Variants in KDM3B observed in about 807,000 individuals in gnomAD.
KDM3B encodes the protein lysine-specific demethylase 3B.
In KDM3B, 10 loss-of-function variants were observed where a neutral mutation model predicts 170.0. The ratio of observed to expected loss-of-function variants is 0.06; its 90% CI spans 0.04 to 0.10. The LOEUF is 0.10. Among genes scored for constraint, KDM3B ranks in the 10% least tolerant of loss-of-function variants. The pLI is 1.00. For missense variants in KDM3B, 1,394 were observed against 2,195.2 expected (o/e 0.64, Z 7.29); for synonymous variants, 831 against 834.8 (o/e 1.00, Z 0.08).
chr5:138,362,228 A>G (rs970060424), intron 1 of KDM3B, among the ~76,000 whole-genome samples: 13 of 152,070 alleles, frequency 8.5e-5, no homozygotes, highest in African/African-American at 2.9e-4. Flanking sequence ...GAGGCACAAG[A>G]ATGGCTTGAA....
At chr5:138,413,361 C>A (rs904934449) in intron 11 of KDM3B, among the ~76,000 whole-genome samples, 3 of 148,994 alleles carry the variant, frequency 2.0e-5, no homozygotes, top group Non-Finnish European at 3.0e-5. Flanking sequence ...CCAGCCTGGG[C>A]GACAAAGCGA....
intron 11 of KDM3B, among the ~76,000 whole-genome samples, chr5:138,402,017 C>T (rs1433550780): frequency 6.6e-6 from 1 of 151,992 alleles, no homozygotes; most frequent in African/African-American, 2.4e-5. Flanking sequence ...CAGCCTCAAC[C>T]GCCTGGGCCC....
At chr5:138,426,865 AAAAAAAAAAAAAAAAG>A (rs1763409454) in intron 17 of KDM3B, 94 bp from the exon 18 acceptor site, 1 of 353,328 alleles carries the variant, frequency 2.8e-6, no homozygotes, top group Middle Eastern at 9.3e-4. Context: ...TCTGTCTCAA[AAAAAAAAAAAAAAAAG>A]AAAAAAAAGA....
intron 11 of KDM3B, among the ~76,000 whole-genome samples, chr5:138,406,418 TG>T (rs1762822464): frequency 6.6e-6 from 1 of 151,080 alleles, no homozygotes; most frequent in Non-Finnish European, 1.5e-5. Flanking sequence ...CTGAGGCAGG[TG>T]GATCACCTGA....
chr5:138,426,983 C>T lies in KDM3B; in HGVS notation c.4420C>T (p.Arg1474Trp), dbSNP rs1763415418. 1.9e-6 allele frequency: 3 copies of T among 1,613,546 alleles called. No homozygotes were observed. The highest frequency in any genetic ancestry group is 1.3e-5 in the African/African-American group (1 of 74,876). The change falls in exon 18 of 24, where the codon CGG becomes TGG. Residue 1474 changes from arginine (R) to tryptophan (W), a missense_variant. Coordinates refer to ENST00000314358, the MANE Select transcript of KDM3B (RefSeq NM_016604.4). Reference protein sequence around the residue: ...DGFEIICKRLRSEDGQPMVLK... With the variant: ...DGFEIICKRLWSEDGQPMVLK... ...TATTCTCTGTCTTCCAGAACGACTA[C>T]GGTCAGAAGATGGGCAGCCAATGGT...
chr5:138,379,799 C>CT, intron 5 of KDM3B, 91 bp downstream of exon 5: 1 of 1,292,154 alleles, frequency 7.7e-7, no homozygotes, highest in Non-Finnish European at 1.1e-6. Flanking sequence ...TGTAAGATGA[C>CT]TTGGGTTTCA....
intron 12 of KDM3B, among the ~76,000 whole-genome samples, chr5:138,415,854 A>G (rs950137824): frequency 1.3e-5 from 2 of 152,006 alleles, no homozygotes; most frequent in African/African-American, 4.8e-5. Flanking sequence ...ATCATTTCCC[A>G]TTCCTGTGGT....
At chr5:138,387,021 A>G (rs1762280674) in intron 7 of KDM3B, among the ~76,000 whole-genome samples, 1 of 152,220 alleles carries the variant, frequency 6.6e-6, no homozygotes, top group African/African-American at 2.4e-5. Flanking sequence ...TATGTGTGCA[A>G]GCTACCATTA....
intron 14 of KDM3B, 112 bp downstream of exon 14, chr5:138,419,344 T>C: frequency 7.7e-7 from 1 of 1,291,968 alleles, no homozygotes; most frequent in East Asian, 2.5e-5. Flanking sequence ...CTACTTACTT[T>C]CTCTGGCTAA....
intron 11 of KDM3B, among the ~76,000 whole-genome samples, chr5:138,413,009 AAAATTGT>A (rs1261864686): frequency 2.0e-5 from 3 of 152,234 alleles, no homozygotes; most frequent in Non-Finnish European, 2.9e-5. Flanking sequence ...GTACATGGGA[AAAATTGT>A]AATTAATTTG....
At chr5:138,419,745 ACACACACACACAC>A (rs1763221833) in intron 14 of KDM3B, among the ~76,000 whole-genome samples, 2 of 147,886 alleles carry the variant, frequency 1.4e-5, no homozygotes, top group Non-Finnish European at 3.0e-5. Flanking sequence ...ACACACACAC[ACACACACACACAC>A]ACACACACAT....
At position 138,377,716 on chromosome 5, in the gene KDM3B, C is replaced by T. The variant is rs1224950005; in HGVS notation, c.475-4C>T. On this transcript the variant is annotated splice_region_variant and splice_polypyrimidine_tract_variant and intron_variant, in intron 3 of 23. Coordinates refer to ENST00000314358, the MANE Select transcript of KDM3B (RefSeq NM_016604.4). The stretch of plus-strand genomic sequence containing the variant: ...CAGTTGTTTTCTTCTTTTATCTTTA[C>T]CAGATGGGAACAGATAGCCAAAACC... 2 of 1,599,948 alleles carry T rather than the reference C, an allele frequency of 1.3e-6. No individual in the cohort carries two copies. The highest frequency in any genetic ancestry group is 4.5e-5 in the East Asian group (2 of 44,736).
Position 138,424,199 on chromosome 5 carries a change from TGAAGGA to T in KDM3B, c.4100_4105del (p.Lys1367_Glu1368del), listed in dbSNP as rs1348127213. The T allele has an allele frequency of 3.1e-6, 5 of 1,613,982 alleles. No individual in the cohort carries two copies. The highest frequency in any genetic ancestry group is 1.3e-5 in the African/African-American group (1 of 74,882). ...AACTTGACTGATACCCAGAAGGAAG[TGAAGGA>T]GATGGTGATGGGGTTAAATGTGCTA... On this transcript the variant is annotated inframe_deletion, in exon 16 of 24. Transcript: ENST00000314358.
At chr5:138,397,562 G>A (rs902521391) in intron 9 of KDM3B, among the ~76,000 whole-genome samples, 5 of 152,040 alleles carry the variant, frequency 3.3e-5, no homozygotes, top group African/African-American at 1.2e-4. Flanking sequence ...TTAGCCGGGA[G>A]TGGTGTGGTT....
chr5:138,379,443 A>T, intron 4 of KDM3B, 141 bp from the exon 5 acceptor site: 1 of 622,338 alleles, frequency 1.6e-6, no homozygotes, highest in Non-Finnish European at 2.6e-6. Context: ...GTAAATCTGG[A>T]ATTGCTCATT....
intron 1 of KDM3B, among the ~76,000 whole-genome samples, chr5:138,355,540 A>C (rs1312658979): frequency 1.3e-5 from 2 of 152,260 alleles, no homozygotes; most frequent in Non-Finnish European, 2.9e-5. Flanking sequence ...CAAATTACTC[A>C]GATGTTTAGC....
chr5:138,424,401 G>C, intron 16 of KDM3B, 60 bp downstream of exon 16: 1 of 1,543,652 alleles, frequency 6.5e-7, no homozygotes, highest in Non-Finnish European at 8.8e-7. Context: ...CAGATACCTG[G>C]ACAATTCCAG....
intron 9 of KDM3B, among the ~76,000 whole-genome samples, chr5:138,397,375 G>A (rs2126958697): frequency 1.3e-5 from 2 of 152,088 alleles, no homozygotes; most frequent in East Asian, 3.9e-4. Flanking sequence ...GGATGTGGTG[G>A]CATGTCCCTG....
At chr5:138,377,561 T>C (rs1762028903) in intron 3 of KDM3B, among the ~76,000 whole-genome samples, 159 bp from the exon 4 acceptor site, 2 of 152,190 alleles carry the variant, frequency 1.3e-5, no homozygotes, top group Admixed American at 1.3e-4. Flanking sequence ...GTACTAAGAT[T>C]ACAGGCATGA....
Sources: allele counts gnomAD v4.1 joint callset (sites outside exome capture counted in the v4.1 genomes callset), GRCh38; gene constraint gnomAD v4.1.1; transcripts MANE v1.5; gene names NCBI Gene and HGNC (gene_info 2026-07-23, HGNC 2026-07-21).